The following DNAJC13 variants were observed in gnomAD, a reference collection of about 807,000 sequenced individuals.
DNAJC13 encodes DnaJ heat shock protein family (Hsp40) member C13, also known as dnaJ homolog subfamily C member 13.
DNAJC13 carries 75 observed loss-of-function variants against 290.5 expected under a neutral mutation model. The ratio of observed to expected loss-of-function variants is 0.26; its 90% CI spans 0.21 to 0.31. The LOEUF (loss-of-function observed/expected upper bound fraction) is 0.31, where lower values mean the gene tolerates loss of function less well. DNAJC13 is among the 10% of genes least tolerant of loss of function. DNAJC13 has a pLI of 1.00. For missense variants in DNAJC13, 2,260 were observed against 2,674.5 expected, an observed-to-expected ratio of 0.85 and a Z score of 3.42; for synonymous variants, 862 against 892.0, an observed-to-expected ratio of 0.97 and a Z score of 0.60.
At chr3:132,418,116 C>G (rs1323152606) in intron 1 of DNAJC13, among the ~76,000 whole-genome samples, 9 of 152,204 alleles carry the variant, frequency 5.9e-5, no homozygotes, top group Non-Finnish European at 1.0e-4. Context: ...GTCTCCTAGT[C>G]TGAGCACCCT....
In DNAJC13 at chr3:132,447,489, CATAA is replaced by C; in HGVS notation, c.294+25_294+28del. The C allele has an allele frequency of 2.0e-6, 3 of 1,537,608 alleles. No individual in the cohort carries two copies. The highest frequency in any genetic ancestry group is 2.6e-6 in the Non-Finnish European group (3 of 1,151,490). On this transcript the variant is annotated intron_variant, in intron 4 of 55. Transcript: ENST00000260818. ...AGCATTGGTAAGAAGATTCCATGTT[CATAA>C]ATAAAATTTCTTTCTTCTCTTTTTA...
chr3:132,531,210 T>C, intron 55 of DNAJC13, 113 bp downstream of exon 55: 1 of 841,478 alleles, frequency 1.2e-6, no homozygotes, highest in Non-Finnish European at 1.9e-6. Context: ...GGCTACCAGC[T>C]GACCTTTCTT....
chr3:132,493,659 C>T (rs1004196814), intron 33 of DNAJC13, among the ~76,000 whole-genome samples: 1 of 151,824 alleles, frequency 6.6e-6, no homozygotes, highest in African/African-American at 2.4e-5. Flanking sequence ...TGTGTTCTAT[C>T]CGTTACATTT....
rs11706865 is a variant in DNAJC13 at position 132,514,868 on chromosome 3, G to C, written c.5485+198G>C. ...TTCCTATGTCAAAAGTTGAAAGTTG[G>C]GGGTGAGAGAGGTCCAAAACCAAAG... On this transcript the variant is annotated intron_variant, in intron 46 of 55. Coordinates refer to ENST00000260818, the MANE Select transcript of DNAJC13 (RefSeq NM_015268.4). 0.13 allele frequency: 60,714 copies of C among 465,082 alleles called. 6,577 individuals are homozygous for C. Among genetic ancestry groups the C allele is most frequent in the East Asian group, 0.57 (12,789 of 22,452 alleles). 28.8% of individuals were successfully genotyped at this position (465,082 alleles called of 1,614,324 possible).
At chr3:132,506,580 T>C (rs1352171759) in intron 42 of DNAJC13, among the ~76,000 whole-genome samples, 1 of 129,734 alleles carries the variant, frequency 7.7e-6, no homozygotes, top group Non-Finnish European at 1.6e-5. Flanking sequence ...TGAGATTGAG[T>C]CTCACTCTGT....
chr3:132,465,358 G>A (rs923608668), intron 17 of DNAJC13, among the ~76,000 whole-genome samples: 1 of 152,164 alleles, frequency 6.6e-6, no homozygotes, highest in Non-Finnish European at 1.5e-5. Flanking sequence ...CTTATGAGGA[G>A]CTTTCAGTTA....
intron 1 of DNAJC13, among the ~76,000 whole-genome samples, chr3:132,426,719 T>A (rs1224028172): frequency 6.6e-6 from 1 of 152,208 alleles, no homozygotes; most frequent in Non-Finnish European, 1.5e-5. Context: ...GTGATGATTT[T>A]TTTGAATCAC....
chr3:132,434,219 AAAC>A (rs1398002711), intron 1 of DNAJC13, among the ~76,000 whole-genome samples: 3 of 149,904 alleles, frequency 2.0e-5, no homozygotes, highest in Non-Finnish European at 4.4e-5. Context: ...CAAAAAAAAA[AAAC>A]AAAAAACAAA....
chr3:132,473,216 C>T lies in DNAJC13; in HGVS notation c.2280C>T (p.Leu760=). Residue 760 remains leucine (L), a synonymous_variant, in exon 21 of 56, where the codon CTC becomes CTT. Transcript: ENST00000260818. The part of the protein sequence containing the change: ...QRIKIEANWD[L]FYYRFGQDHA... ...TAAAAATAGAAGCAAATTGGGATCT[C>T]TTCTATTATAGGTAAACTTTAGGTC... 2 of 1,602,662 alleles carry T rather than the reference C, an allele frequency of 1.2e-6. No individual in the cohort carries two copies. The highest frequency in any genetic ancestry group is 1.7e-6 in the Non-Finnish European group (2 of 1,172,554).
rs748586972 is a variant in DNAJC13, at chr3:132,491,015, T to A, written c.3587T>A (p.Phe1196Tyr). 32 of 1,612,430 alleles carry A rather than the reference T, an allele frequency of 2.0e-5. No homozygotes were observed. Among genetic ancestry groups the A allele is most frequent in the Non-Finnish European group, 2.6e-5 (31 of 1,179,402 alleles). Reference protein sequence around the residue: ...EKFSEIFLGEFDTPEAIWSSE... With the variant: ...EKFSEIFLGEYDTPEAIWSSE... Reference sequence around the variant, plus strand: ...TTTTCTGAGATTTTTCTAGGAGAATTTGATACTCCAGAAGCAATCTGGAGC... The same window carrying A: ...TTTTCTGAGATTTTTCTAGGAGAATATGATACTCCAGAAGCAATCTGGAGC... Residue 1196 changes from phenylalanine to tyrosine, a missense_variant, in exon 32 of 56, where the codon TTT (phenylalanine) becomes TAT (tyrosine). By Grantham distance (22) the Phe-to-Tyr change is conservative. Around this residue, in one of 3 missense-constraint regions of DNAJC13, gnomAD observed 1,494 missense variants for 1,693.7 expected, o/e 0.88. Transcript: ENST00000260818.
At chr3:132,463,060 TATG>T (rs1318714809) in intron 16 of DNAJC13, among the ~76,000 whole-genome samples, 1 of 152,244 alleles carries the variant, frequency 6.6e-6, no homozygotes, top group Non-Finnish European at 1.5e-5. Context: ...TGTTGCATAC[TATG>T]ATGATTACAA....
intron 2 of DNAJC13, among the ~76,000 whole-genome samples, chr3:132,443,299 C>G (rs963356711): frequency 6.6e-6 from 1 of 152,214 alleles, no homozygotes; most frequent in Middle Eastern, 3.4e-3. Context: ...ATTACAGGCA[C>G]CCACCATCAT....
chr3:132,471,354 C>T (rs577942373), intron 20 of DNAJC13, among the ~76,000 whole-genome samples: 6 of 144,956 alleles, frequency 4.1e-5, no homozygotes, highest in African/African-American at 5.0e-5. Flanking sequence ...GACCCCCCCC[C>T]ACCTCCCTCC....
At chr3:132,439,658 C>T (rs759138412) in intron 2 of DNAJC13, among the ~76,000 whole-genome samples, 6 of 152,064 alleles carry the variant, frequency 3.9e-5, no homozygotes, top group South Asian at 2.1e-4. Context: ...TAGCTCCATC[C>T]GAGCTGGAAA....
chr3:132,483,719 C>T, intron 28 of DNAJC13, 142 bp downstream of exon 28: 1 of 890,074 alleles, frequency 1.1e-6, no homozygotes, highest in Non-Finnish European at 1.6e-6. Flanking sequence ...TTTTTTGAAA[C>T]AGATATAAAG....
chr3:132,500,999 G>A, intron 39 of DNAJC13, 86 bp downstream of exon 39: 2 of 1,455,870 alleles, frequency 1.4e-6, no homozygotes, highest in Non-Finnish European at 1.9e-6. Context: ...TAAGCACATT[G>A]TTTTCCCAAA....
intron 22 of DNAJC13, among the ~76,000 whole-genome samples, chr3:132,476,122 C>T (rs1475730993): frequency 2.0e-5 from 3 of 151,930 alleles, no homozygotes; most frequent in Admixed American, 6.5e-5. Flanking sequence ...TTTATGGAGA[C>T]GAGGTTTCAC....
chr3:132,427,134 T>TATATATA lies in DNAJC13; in HGVS notation c.-13-7404_-13-7403insATATATA, dbSNP rs34351441. Among the ~76,000 whole-genome samples the TATATATA allele has an allele frequency of 2.4e-3, 277 of 115,168 alleles. 3 individuals are homozygous for TATATATA. The highest frequency in any genetic ancestry group is 0.011 in the African/African-American group (266 of 23,410). The allele number at this position is 115,168 out of a possible 152,430, so 75.6% of individuals were successfully genotyped here. On this transcript the variant is annotated intron_variant, in intron 1 of 55. Transcript: ENST00000260818. ...GTGTGTGTGTGTATATATATATATATTTTTTTTTTTTTTTTGAGACAGGGT... is the reference window on the plus strand; with the variant it reads ...GTGTGTGTGTGTATATATATATATATATATATATTTTTTTTTTTTTTTGAGACAGGGT...
intron 1 of DNAJC13, among the ~76,000 whole-genome samples, chr3:132,426,408 A>G (rs1013770991): frequency 3.9e-5 from 6 of 152,194 alleles, no homozygotes; most frequent in Admixed American, 6.5e-5. Context: ...AATGAAGGAG[A>G]TGAAATTTAA....
Sources: allele counts gnomAD v4.1 joint callset (sites outside exome capture counted in the v4.1 genomes callset), GRCh38; gene constraint gnomAD v4.1.1; regional missense constraint gnomAD v4.1.1; transcripts MANE v1.5; gene names NCBI Gene and HGNC (gene_info 2026-07-23, HGNC 2026-07-21).